The following DLG3 variants were observed in gnomAD, a reference collection of about 807,000 sequenced individuals.
DLG3 encodes the protein discs large MAGUK scaffold protein 3.
DLG3 carries 1 observed loss-of-function variant against 64.1 expected under a neutral mutation model. The observed-to-expected ratio is 0.02, with a 90% CI of 0.01 to 0.07. The LOEUF (loss-of-function observed/expected upper bound fraction) is 0.07. Among genes scored for constraint, DLG3 ranks in the 10% least tolerant of loss-of-function variants. The pLI is 1.00. For missense variants in DLG3, 429 were observed against 669.5 expected, an observed-to-expected ratio of 0.64 and a Z score of 3.96; for synonymous variants, 245 against 259.8, an observed-to-expected ratio of 0.94 and a Z score of 0.55.
rs1271952490 is a variant in DLG3, at chrX:70,445,249, G to C, written c.48G>C (p.Val16=). Residue 16 remains valine (V), a synonymous_variant, in exon 1 of 19, where the codon GTG becomes GTC. Coordinates refer to ENST00000374360, the MANE Select transcript of DLG3 (RefSeq NM_021120.4). The part of the protein sequence containing the change: ...HCCKCPECYE[V]TRLAALRRLE... ...GTAAGTGCCCTGAGTGCTATGAGGT[G>C]ACCCGCCTGGCCGCCCTGCGGCGCC... is the stretch of plus-strand genomic sequence containing the variant. The C allele has an allele frequency of 2.6e-6, 3 of 1,164,422 alleles. No homozygotes were observed. The Admixed American group carries it at 7.7e-5, about 30-fold the overall frequency.
chrX:70,476,453 G>A (rs1300108677), intron 9 of DLG3, among the ~76,000 whole-genome samples: 1 of 111,326 alleles, frequency 9.0e-6, no homozygotes, highest in Non-Finnish European at 1.9e-5. Context: ...GAATTGAGAT[G>A]CTTTTTAAGG....
chrX:70,505,185 C>T lies in DLG3; in HGVS notation c.*2916C>T, dbSNP rs2087631477. On this transcript the variant is annotated 3_prime_UTR_variant, in exon 19 of 19. Coordinates refer to ENST00000374360, the MANE Select transcript of DLG3 (RefSeq NM_021120.4). Reference sequence around the variant, plus strand: ...AGAGAACAAAGATCTGTCCTGTGGTCACACTGTTGAGGCTCTGTCTTCACA... The same window carrying T: ...AGAGAACAAAGATCTGTCCTGTGGTTACACTGTTGAGGCTCTGTCTTCACA... The T allele has an allele frequency of 8.9e-6, 1 of 112,676 alleles. No homozygotes were observed. The highest frequency in any genetic ancestry group is 1.9e-5 in the Non-Finnish European group (1 of 53,311). The allele number at this position is 112,676 out of a possible 1,213,427, so 9.3% of individuals were successfully genotyped here.
chrX:70,455,359 A>G (rs2147781887), intron 9 of DLG3: 1 of 748,455 alleles, frequency 1.3e-6, no homozygotes, highest in East Asian at 1.6e-4. Context: ...TGCGTGCCCC[A>G]ATTCTGCCCT....
rs2087544093 is a variant in DLG3, at chrX:70,500,921, A to G, written c.2279A>G (p.Tyr760Cys). 1.7e-6 allele frequency: 2 copies of G among 1,203,444 alleles called. No individual in the cohort carries two copies. Among genetic ancestry groups the G allele is most frequent in the Non-Finnish European group, 1.1e-6 (1 of 890,967 alleles). Residue 760 changes from tyrosine (Y) to cysteine (C), a missense_variant, in exon 18 of 19, where the codon TAT (tyrosine) becomes TGT (cysteine). Tyr to Cys is a radical substitution (Grantham distance 194). Around this residue, in one of 9 missense-constraint regions of DLG3, gnomAD observed 48 missense variants for 69.5 expected, o/e 0.69. Coordinates refer to ENST00000374360, the MANE Select transcript of DLG3 (RefSeq NM_021120.4). The stretch of plus-strand genomic sequence containing the variant: ...AGGGAAATGAACCGAAGGCAGACAT[A>G]TGAACAAGCAAATAAGATCTATGAC... ...ALMEMNRRQT[Y>C]EQANKIYDKA... is the part of the protein sequence containing the mutation.
At chrX:70,476,342 G>T (rs1057181153) in intron 9 of DLG3, among the ~76,000 whole-genome samples, 1 of 111,227 alleles carries the variant, frequency 9.0e-6, no homozygotes, top group Non-Finnish European at 1.9e-5. Flanking sequence ...CTTCCTAGGC[G>T]GTGACTTTGG....
Position 70,445,135 on chromosome X carries a change from T to TGGCGGCGGTGGC in DLG3, c.-59_-48dup, listed in dbSNP as rs2086551836. The TGGCGGCGGTGGC allele has an allele frequency of 2.2e-6, 2 of 890,465 alleles. No homozygotes were observed. Among genetic ancestry groups the TGGCGGCGGTGGC allele is most frequent in the Non-Finnish European group, 3.0e-6 (2 of 659,460 alleles). 73.4% of individuals were successfully genotyped at this position (890,465 alleles called of 1,213,427 possible). ...AGCCCGGCGGCGGCGGCGGCGGTGG[T>TGGCGGCGGTGGC]GGCGGCGGTGGCGGCGGCGTGGAAT... On this transcript the variant is annotated 5_prime_UTR_variant, in exon 1 of 19. Transcript: ENST00000374360.
intron 9 of DLG3, among the ~76,000 whole-genome samples, chrX:70,476,935 T>A (rs934544224): frequency 6.2e-5 from 7 of 112,842 alleles, no homozygotes; most frequent in Non-Finnish European, 1.1e-4. Flanking sequence ...AAAAAGTGAA[T>A]AAAACACAAT....
intron 9 of DLG3, among the ~76,000 whole-genome samples, chrX:70,477,674 C>T (rs2087079153): frequency 8.9e-6 from 1 of 111,906 alleles, no homozygotes; most frequent in Non-Finnish European, 1.9e-5. Context: ...ATTTCAGGAA[C>T]AGGAGTAGGT....
At chrX:70,492,999 T>C (rs1448758127) in intron 12 of DLG3, among the ~76,000 whole-genome samples, 2 of 111,644 alleles carry the variant, frequency 1.8e-5, no homozygotes, top group African/African-American at 6.5e-5. Flanking sequence ...CCCCTTTTTT[T>C]CTATGAGCTT....
intron 9 of DLG3, among the ~76,000 whole-genome samples, chrX:70,464,978 G>A (rs2086863964): frequency 8.9e-6 from 1 of 112,044 alleles, no homozygotes; most frequent in South Asian, 3.7e-4. Flanking sequence ...GAAATTAAGT[G>A]ATAAAAAATT....
chrX:70,474,977 A>T (rs1309051664), intron 9 of DLG3, among the ~76,000 whole-genome samples: 5 of 111,233 alleles, frequency 4.5e-5, no homozygotes, highest in Admixed American at 9.6e-5. Flanking sequence ...TTTAATTTGC[A>T]TATAATTTGA....
intron 9 of DLG3, among the ~76,000 whole-genome samples, chrX:70,456,829 C>T (rs962902468): frequency 9.1e-6 from 1 of 110,403 alleles, no homozygotes; most frequent in Non-Finnish European, 1.9e-5. Context: ...GTGTTGGGCT[C>T]TAAATTTTCT....
intron 1 of DLG3, 64 bp from the exon 2 acceptor site, chrX:70,448,849 G>T: frequency 8.6e-7 from 1 of 1,167,654 alleles, no homozygotes; most frequent in Admixed American, 2.4e-5. Context: ...GAGGCAGGTT[G>T]ACTAAGGGGC....
intron 9 of DLG3, chrX:70,456,247 A>AC (rs2086705572): frequency 8.9e-6 from 1 of 112,846 alleles, no homozygotes; most frequent in South Asian, 3.6e-4. Flanking sequence ...TACAGAGCTA[A>AC]CCGTCTGATT....
intron 15 of DLG3, 118 bp from the exon 16 acceptor site, chrX:70,499,759 G>GAAA: frequency 1.5e-6 from 1 of 648,343 alleles, no homozygotes; most frequent in Middle Eastern, 5.0e-4. Context: ...CCACTTACTT[G>GAAA]AAAAAAAAAA....
chrX:70,500,674 A>G (rs776103676), intron 17 of DLG3, 94 bp downstream of exon 17: 2 of 801,700 alleles, frequency 2.5e-6, no homozygotes, highest in East Asian at 6.4e-5. Flanking sequence ...AGAAACTTGA[A>G]AGAAACTCTG....
At chrX:70,485,435 A>G (rs1190269419) in intron 10 of DLG3, among the ~76,000 whole-genome samples, 2 of 112,192 alleles carry the variant, frequency 1.8e-5, no homozygotes, top group Non-Finnish European at 3.8e-5. Context: ...GCAGGATCAC[A>G]AAGCTGGGAG....
chrX:70,464,152 C>T (rs1025260468), intron 9 of DLG3, among the ~76,000 whole-genome samples: 10 of 111,026 alleles, frequency 9.0e-5, no homozygotes, highest in Non-Finnish European at 9.4e-5. Flanking sequence ...AGGTACTGCA[C>T]CCAGCATAGA....
chrX:70,485,859 A>C (rs2087245560), intron 10 of DLG3, among the ~76,000 whole-genome samples: 1 of 111,707 alleles, frequency 9.0e-6, no homozygotes, highest in African/African-American at 3.3e-5. Flanking sequence ...TGAAAGGAAG[A>C]CTGGACAAAG....
Sources: allele counts gnomAD v4.1 joint callset (sites outside exome capture counted in the v4.1 genomes callset), GRCh38; gene constraint gnomAD v4.1.1; regional missense constraint gnomAD v4.1.1; transcripts MANE v1.5; gene names NCBI Gene and HGNC (gene_info 2026-07-23, HGNC 2026-07-21).